The following ACOXL variants were observed in gnomAD, a reference collection of about 807,000 sequenced individuals.
The protein encoded by ACOXL is acyl-CoA oxidase like.
Under a neutral mutation model 71.9 loss-of-function variants are expected in ACOXL, and 70 were observed. The ratio of observed to expected loss-of-function variants is 0.97; its 90% CI spans 0.80 to 1.19. The LOEUF (loss-of-function observed/expected upper bound fraction) is 1.19. ACOXL is among the 50% of genes most tolerant of loss of function. The pLI is 0.00. For missense variants in ACOXL, 703 were observed against 736.3 expected, an observed-to-expected ratio of 0.95 and a Z score of 0.52; for synonymous variants, 253 against 281.6, an observed-to-expected ratio of 0.90 and a Z score of 1.02.
At chr2:110,964,154 C>A (rs933614192) in intron 12 of ACOXL, among the ~76,000 whole-genome samples, 1 of 152,154 alleles carries the variant, frequency 6.6e-6, no homozygotes, top group Admixed American at 6.5e-5. Flanking sequence ...CCCATGTTGG[C>A]ACAGGGGGGT....
At chr2:110,877,309 C>G (rs1175737245) in intron 10 of ACOXL, among the ~76,000 whole-genome samples, 1 of 152,190 alleles carries the variant, frequency 6.6e-6, no homozygotes, top group African/African-American at 2.4e-5. Flanking sequence ...GGCAGCAGGG[C>G]GTCTCTAGTC....
chr2:111,092,817 TA>T, intron 16 of ACOXL, 47 bp from the exon 17 acceptor site: 1 of 1,321,410 alleles, frequency 7.6e-7, no homozygotes, highest in Non-Finnish European at 1.1e-6. Context: ...TTGTGTTTTC[TA>T]ATATATTGCT....
At chr2:110,787,108 C>A (rs1010547316) in intron 3 of ACOXL, among the ~76,000 whole-genome samples, 1 of 152,032 alleles carries the variant, frequency 6.6e-6, no homozygotes, top group Non-Finnish European at 1.5e-5. Context: ...GAAAATGGAC[C>A]ATGAGCTGAC....
At chr2:110,774,343 T>C (rs1029813545) in intron 2 of ACOXL, among the ~76,000 whole-genome samples, 2 of 152,136 alleles carry the variant, frequency 1.3e-5, no homozygotes, top group Non-Finnish European at 2.9e-5. Flanking sequence ...TGATGGATGC[T>C]GGGGATAAAA....
intron 15 of ACOXL, among the ~76,000 whole-genome samples, chr2:111,035,351 T>C (rs2065461760): frequency 6.6e-6 from 1 of 152,246 alleles, no homozygotes; most frequent in African/African-American, 2.4e-5. Flanking sequence ...GATGTAACTG[T>C]TACAATGATA....
intron 16 of ACOXL, among the ~76,000 whole-genome samples, chr2:111,086,736 G>A (rs1408740911): frequency 6.6e-6 from 1 of 152,150 alleles, no homozygotes; most frequent in Non-Finnish European, 1.5e-5. Context: ...CATTCCCCTT[G>A]AAAACCAGCA....
chr2:111,116,569 C>G (rs1242460210), intron 17 of ACOXL, among the ~76,000 whole-genome samples: 1 of 152,136 alleles, frequency 6.6e-6, no homozygotes, highest in African/African-American at 2.4e-5. Flanking sequence ...ATCAGTGCGG[C>G]TCAGACATGA....
intron 3 of ACOXL, among the ~76,000 whole-genome samples, chr2:110,785,370 T>TTGTGTGTGTGTGTGTG (rs34917698): frequency 1.4e-5 from 2 of 145,586 alleles, no homozygotes; most frequent in African/African-American, 5.1e-5. Context: ...ATGCACTCAG[T>TTGTGTGTGTGTGTGTG]TGTGTGTGTG....
intron 10 of ACOXL, among the ~76,000 whole-genome samples, chr2:110,907,378 G>C (rs969300525): frequency 6.6e-6 from 1 of 152,146 alleles, no homozygotes; most frequent in Non-Finnish European, 1.5e-5. Flanking sequence ...ATTCTGGGGC[G>C]ACACAGTTCA....
intron 9 of ACOXL, among the ~76,000 whole-genome samples, chr2:110,824,046 C>T (rs1316306858): frequency 6.6e-6 from 1 of 152,112 alleles, no homozygotes; most frequent in Non-Finnish European, 1.5e-5. Context: ...AAACCCAAGG[C>T]CATATAGATT....
intron 17 of ACOXL, chr2:111,093,849 G>A (rs762674685): frequency 8.7e-6 from 2 of 229,104 alleles, no homozygotes; most frequent in Non-Finnish European, 1.7e-5. Context: ...GGACTACAGA[G>A]TGAGACTCCA....
chr2:110,791,705 C>T (rs1684669218), intron 3 of ACOXL, among the ~76,000 whole-genome samples: 1 of 152,164 alleles, frequency 6.6e-6, no homozygotes, highest in Admixed American at 6.5e-5. Flanking sequence ...TGTCCTGATG[C>T]CAGAGTGTGT....
intron 10 of ACOXL, among the ~76,000 whole-genome samples, chr2:110,847,853 A>G (rs1692110189): frequency 6.6e-6 from 1 of 152,204 alleles, no homozygotes. Context: ...ACAACAAAGT[A>G]CAGACCCGGG....
intron 11 of ACOXL, among the ~76,000 whole-genome samples, chr2:110,920,777 G>C (rs182035426): frequency 2.0e-3 from 308 of 151,994 alleles, no homozygotes; most frequent in Non-Finnish European, 3.1e-3. Context: ...ATCAATTTGG[G>C]GATAGTCTGC....
intron 3 of ACOXL, among the ~76,000 whole-genome samples, chr2:110,789,000 A>G (rs1684329716): frequency 6.6e-6 from 1 of 152,208 alleles, no homozygotes; most frequent in South Asian, 2.1e-4. Context: ...TCAATTCATC[A>G]AAATCAGCTG....
At chr2:110,910,759 T>C (rs755538036) in intron 11 of ACOXL, among the ~76,000 whole-genome samples, 1 of 152,350 alleles carries the variant, frequency 6.6e-6, no homozygotes, top group African/African-American at 2.4e-5. Flanking sequence ...CTGTGAAAGA[T>C]CTATTTAAAT....
At chr2:111,000,869 C>G (rs748806172) in intron 14 of ACOXL, among the ~76,000 whole-genome samples, 10 of 152,208 alleles carry the variant, frequency 6.6e-5, no homozygotes, top group Non-Finnish European at 1.0e-4. Context: ...GTCACATTCA[C>G]AGGTACCAGG....
chr2:110,738,317 G>A (rs931606072), intron 1 of ACOXL, among the ~76,000 whole-genome samples: 3 of 152,034 alleles, frequency 2.0e-5, no homozygotes, highest in African/African-American at 2.4e-5. Flanking sequence ...TTAACTTTCC[G>A]AGTTTTGGGT....
chr2:110,989,145 G>A (rs1301027301), intron 13 of ACOXL, among the ~76,000 whole-genome samples: 2 of 151,918 alleles, frequency 1.3e-5, no homozygotes, highest in Non-Finnish European at 2.9e-5. Context: ...TTTAATTATT[G>A]AATCCATACA....
Sources: gnomAD v4.1 joint callset for allele counts (sites outside exome capture counted in the v4.1 genomes callset) on GRCh38, gnomAD v4.1.1 for gene constraint, MANE v1.5 for transcripts, NCBI Gene and HGNC (gene_info 2026-07-23, HGNC 2026-07-21) for gene names.